Variants in GPC5 observed in about 807,000 individuals in gnomAD.
The protein encoded by GPC5 is glypican-5.
Under a neutral mutation model 53.9 loss-of-function variants are expected in GPC5, and 47 were observed. That is an observed-to-expected ratio of 0.87 (90% CI 0.69 to 1.11). GPC5 has a LOEUF of 1.11. Among genes scored for constraint, GPC5 ranks in the 50% most tolerant of loss-of-function variants. The pLI, the probability that GPC5 is intolerant of heterozygous loss-of-function variation, is 0.00. For missense variants in GPC5, 748 were observed against 713.1 expected, an observed-to-expected ratio of 1.05 and a Z score of -0.56; for synonymous variants, 286 against 263.3, an observed-to-expected ratio of 1.09 and a Z score of -0.84.
At chr13:92,729,660 A>G (rs570442790) in intron 7 of GPC5, among the ~76,000 whole-genome samples, 2 of 151,444 alleles carry the variant, frequency 1.3e-5, no homozygotes, top group Non-Finnish European at 3.0e-5. Flanking sequence ...AGCTTTAGCA[A>G]TTAGCTAATG....
At chr13:91,451,065 A>G (rs1249058732) in intron 2 of GPC5, among the ~76,000 whole-genome samples, 1 of 152,196 alleles carries the variant, frequency 6.6e-6, no homozygotes, top group Non-Finnish European at 1.5e-5. Flanking sequence ...ATTTCTGTGC[A>G]ATTAAAATAT....
At chr13:91,834,890 A>G (rs1566293976) in intron 5 of GPC5, among the ~76,000 whole-genome samples, 1 of 152,238 alleles carries the variant, frequency 6.6e-6, no homozygotes, top group Non-Finnish European at 1.5e-5. Flanking sequence ...GCCAAAATTG[A>G]CAAATGGGAT....
At position 91,684,567 on chromosome 13, in the gene GPC5, T is replaced by G. The variant is rs975032788; in HGVS notation, c.326-8620T>G. Among the ~76,000 whole-genome samples the G allele has an allele frequency of 7.9e-5, 12 of 152,278 alleles. No homozygotes were observed. The South Asian group carries it at 8.3e-4, about 11-fold the overall frequency. On this transcript the variant is annotated intron_variant, in intron 2 of 7. Coordinates refer to ENST00000377067, the MANE Select transcript of GPC5 (RefSeq NM_004466.6). ...TATTTTGCCTGTGATTCAGTACATATGGACAATCTGATCACTTATTGCAGC... is the reference window on the plus strand; with the variant it reads ...TATTTTGCCTGTGATTCAGTACATAGGGACAATCTGATCACTTATTGCAGC...
intron 6 of GPC5, among the ~76,000 whole-genome samples, chr13:92,030,071 A>G (rs2040829000): frequency 6.6e-6 from 1 of 152,234 alleles, no homozygotes; most frequent in African/African-American, 2.4e-5. Flanking sequence ...CCAATTAAAC[A>G]TTGTATGAAA....
intron 2 of GPC5, among the ~76,000 whole-genome samples, chr13:91,521,842 T>C (rs2139370167): frequency 6.6e-6 from 1 of 152,314 alleles, no homozygotes; most frequent in African/African-American, 2.4e-5. Flanking sequence ...AGTTAAAAGC[T>C]CCAAGCTGTC....
At chr13:92,008,619 T>C (rs912060785) in intron 6 of GPC5, among the ~76,000 whole-genome samples, 2 of 152,178 alleles carry the variant, frequency 1.3e-5, no homozygotes, top group Non-Finnish European at 2.9e-5. Flanking sequence ...AGTTCCATTT[T>C]TCTTCTGGTT....
intron 6 of GPC5, among the ~76,000 whole-genome samples, chr13:91,922,748 C>T (rs2039728139): frequency 6.6e-6 from 1 of 152,128 alleles, no homozygotes; most frequent in Non-Finnish European, 1.5e-5. Context: ...TTTGTTTGCA[C>T]CCATTTTCTG....
intron 6 of GPC5, among the ~76,000 whole-genome samples, chr13:91,941,624 A>G (rs2039928291): frequency 6.6e-6 from 1 of 152,132 alleles, no homozygotes; most frequent in Non-Finnish European, 1.5e-5. Flanking sequence ...CTGAATGATC[A>G]CATTGGTTCA....
chr13:91,884,600 G>A (rs1488092323), intron 5 of GPC5, among the ~76,000 whole-genome samples: 1 of 152,190 alleles, frequency 6.6e-6, no homozygotes, highest in Non-Finnish European at 1.5e-5. Context: ...GCAGAGAAGT[G>A]ATATGATCTG....
intron 5 of GPC5, among the ~76,000 whole-genome samples, chr13:91,870,951 G>A (rs2138930388): frequency 6.6e-6 from 1 of 152,284 alleles, no homozygotes; most frequent in African/African-American, 2.4e-5. Flanking sequence ...TTGCACATAG[G>A]TAATGAGATA....
At chr13:92,169,863 A>G (rs140074726) in intron 7 of GPC5, among the ~76,000 whole-genome samples, 3 of 152,242 alleles carry the variant, frequency 2.0e-5, no homozygotes, top group South Asian at 4.1e-4. Flanking sequence ...TAGGCTGTGA[A>G]CATTTGGAAC....
In GPC5 at chr13:92,692,759, T is replaced by TTTTTTTTTTTTTTTTTTTTTTTTTTTTG. The variant is rs1566366407; in HGVS notation, c.1562-173506_1562-173505insTTTTTTTTTTGTTTTTTTTTTTTTTTTT. ...AAGCCTCACCAATATCGGCTATTTT[T>TTTTTTTTTTTTTTTTTTTTTTTTTTTTG]TTTTTTTTTTTTTTTTTACATTTTA... is the stretch of plus-strand genomic sequence containing the variant. On this transcript the variant is annotated intron_variant, in intron 7 of 7. Coordinates refer to ENST00000377067, the MANE Select transcript of GPC5 (RefSeq NM_004466.6). 6.5e-4 allele frequency among the ~76,000 whole-genome samples: 92 copies of TTTTTTTTTTTTTTTTTTTTTTTTTTTTG among 142,150 alleles called. 5 individuals carry two copies. The highest frequency in any genetic ancestry group is 2.3e-3 in the African/African-American group (87 of 38,238). The allele number at this position is 142,150 out of a possible 152,430, so 93.3% of individuals were successfully genotyped here.
chr13:92,369,144 T>A (rs1028662952), intron 7 of GPC5, among the ~76,000 whole-genome samples: 19 of 152,228 alleles, frequency 1.2e-4, no homozygotes, highest in African/African-American at 4.1e-4. Flanking sequence ...TGTGAATATA[T>A]CATCAATGCA....
At chr13:92,026,899 T>C (rs1018913682) in intron 6 of GPC5, among the ~76,000 whole-genome samples, 5 of 152,156 alleles carry the variant, frequency 3.3e-5, no homozygotes, top group African/African-American at 1.2e-4. Flanking sequence ...AGGTGTCAAG[T>C]GATTTGTTTT....
At chr13:91,622,469 T>C (rs1190060134) in intron 2 of GPC5, among the ~76,000 whole-genome samples, 1 of 152,162 alleles carries the variant, frequency 6.6e-6, no homozygotes, top group Non-Finnish European at 1.5e-5. Context: ...TCGTTTTTGT[T>C]AGGACGTTGT....
At chr13:91,986,890 T>C (rs1301025864) in intron 6 of GPC5, among the ~76,000 whole-genome samples, 1 of 141,146 alleles carries the variant, frequency 7.1e-6, no homozygotes. Context: ...AGCCTCTGCT[T>C]TGCCAATGGA....
chr13:91,425,653 A>G (rs1472190795), intron 1 of GPC5, among the ~76,000 whole-genome samples: 1 of 152,186 alleles, frequency 6.6e-6, no homozygotes, highest in Non-Finnish European at 1.5e-5. Flanking sequence ...TCTTTTCTTT[A>G]TAAATTACCC....
chr13:92,775,736 A>G lies in GPC5; in HGVS notation c.1562-90546A>G, dbSNP rs1037441694. Among the ~76,000 whole-genome samples, 10 of 152,278 alleles carry G rather than the reference A, an allele frequency of 6.6e-5. No homozygotes were observed. In the East Asian group the frequency reaches 9.7e-4, roughly 15 times the overall value. On this transcript the variant is annotated intron_variant, in intron 7 of 7. Transcript: ENST00000377067. Reference sequence around the variant, plus strand: ...TTCTGCTACCCCATCTATTTAGCTCATATCTATAAGAGTTCAGTTCTAAAG... The same window carrying G: ...TTCTGCTACCCCATCTATTTAGCTCGTATCTATAAGAGTTCAGTTCTAAAG...
chr13:92,395,474 T>G (rs1400063221), intron 7 of GPC5, among the ~76,000 whole-genome samples: 1 of 152,278 alleles, frequency 6.6e-6, no homozygotes, highest in East Asian at 1.9e-4. Context: ...ACTGTCTTTA[T>G]TATTATTTTA....
Sources: allele counts gnomAD v4.1 joint callset (sites outside exome capture counted in the v4.1 genomes callset), GRCh38; gene constraint gnomAD v4.1.1; transcripts MANE v1.5; gene names NCBI Gene and HGNC (gene_info 2026-07-23, HGNC 2026-07-21).